OSBPL10: variants seen among roughly 807,000 people sequenced by gnomAD.
OSBPL10 encodes oxysterol binding protein like 10.
In OSBPL10, 49 loss-of-function variants were observed where a neutral mutation model predicts 81.7. That is an observed-to-expected ratio of 0.60 (90% confidence interval 0.48 to 0.76). The LOEUF is 0.76. Ranked by LOEUF, OSBPL10 falls within the 30% of genes least tolerant of loss-of-function variation. OSBPL10 has a pLI of 0.00. For synonymous variants in OSBPL10, 419 were observed against 383.6 expected, an observed-to-expected ratio of 1.09 and a Z score of -1.08; for missense variants, 923 against 987.8, an observed-to-expected ratio of 0.93 and a Z score of 0.88.
chr3:31,703,959 G>A (rs1295923258), intron 6 of OSBPL10: 3 of 152,186 alleles, frequency 2.0e-5, no homozygotes, highest in Non-Finnish European at 4.4e-5. Context: ...CTAACCCTGA[G>A]AGGAAGAGCC....
At chr3:32,025,100 T>A (rs1341912658) in intron 2 of OSBPL10, among the ~76,000 whole-genome samples, 1 of 152,200 alleles carries the variant, frequency 6.6e-6, no homozygotes, top group Non-Finnish European at 1.5e-5. Context: ...CATTCAGTCC[T>A]ACACCATTAA....
chr3:31,795,110 ACAGCTGCGAAGAATT>A (rs1438224649), intron 4 of OSBPL10: 1 of 155,636 alleles, frequency 6.4e-6, no homozygotes, highest in East Asian at 2.0e-4. Context: ...AAGACTCATT[ACAGCTGCGAAGAATT>A]CATAAAACCT....
At chr3:31,906,272 CA>C (rs991110627) in intron 1 of OSBPL10, among the ~76,000 whole-genome samples, 1 of 151,478 alleles carries the variant, frequency 6.6e-6, no homozygotes, top group African/African-American at 2.4e-5. Context: ...AGACTAGAGC[CA>C]AAAAAAACTG....
chr3:31,848,006 C>T (rs1002732364), intron 3 of OSBPL10, among the ~76,000 whole-genome samples: 1 of 152,116 alleles, frequency 6.6e-6, no homozygotes, highest in Admixed American at 6.5e-5. Context: ...GCCTCCGAGG[C>T]TCCTGCCAGC....
At chr3:31,734,130 C>T (rs1697074721) in intron 5 of OSBPL10, among the ~76,000 whole-genome samples, 1 of 152,146 alleles carries the variant, frequency 6.6e-6, no homozygotes, top group African/African-American at 2.4e-5. Context: ...GAAAAGATGC[C>T]TGCAAAGTGA....
At chr3:31,767,297 G>GA (rs902752177) in intron 4 of OSBPL10, among the ~76,000 whole-genome samples, 82 of 152,222 alleles carry the variant, frequency 5.4e-4, no homozygotes, top group Non-Finnish European at 9.0e-4. Context: ...AAGCCAGTGA[G>GA]AAAAAAACTC....
At chr3:31,808,357 C>T (rs191576629) in intron 4 of OSBPL10, among the ~76,000 whole-genome samples, 283 of 152,314 alleles carry the variant, frequency 1.9e-3, no homozygotes, top group Non-Finnish European at 2.1e-3. Context: ...TGTCAGGTGT[C>T]ATGTTGGGAG....
intron 1 of OSBPL10, among the ~76,000 whole-genome samples, chr3:31,908,274 G>C (rs1027048463): frequency 6.6e-6 from 1 of 152,138 alleles, no homozygotes; most frequent in Admixed American, 6.6e-5. Flanking sequence ...GAGACCCCAG[G>C]AGGGCTCTGA....
chr3:31,669,029 A>G (rs1031265531), intron 9 of OSBPL10, among the ~76,000 whole-genome samples: 5 of 152,216 alleles, frequency 3.3e-5, no homozygotes, highest in Non-Finnish European at 7.3e-5. Context: ...AATAATAGTG[A>G]AATCTGAATA....
intron 1 of OSBPL10, among the ~76,000 whole-genome samples, chr3:31,918,550 G>C (rs1696822176): frequency 6.6e-6 from 1 of 152,162 alleles, no homozygotes; most frequent in Non-Finnish European, 1.5e-5. Context: ...TAATGAGATA[G>C]TAAGGCGGTC....
intron 4 of OSBPL10, among the ~76,000 whole-genome samples, chr3:31,759,457 A>G (rs1489049803): frequency 2.0e-5 from 3 of 152,218 alleles, no homozygotes; most frequent in Non-Finnish European, 2.9e-5. Context: ...TTTTTAATAC[A>G]AAAGAATACT....
At chr3:31,898,833 A>T (rs1174781889) in intron 1 of OSBPL10, among the ~76,000 whole-genome samples, 1 of 151,738 alleles carries the variant, frequency 6.6e-6, no homozygotes, top group East Asian at 1.9e-4. Context: ...AATAATAAAG[A>T]TGTTTAACTT....
chr3:32,008,770 A>C (rs1478358656), intron 2 of OSBPL10, among the ~76,000 whole-genome samples: 1 of 151,950 alleles, frequency 6.6e-6, no homozygotes, highest in Non-Finnish European at 1.5e-5. Context: ...GAAAAAAAAA[A>C]AAAAAAAGAA....
intron 3 of OSBPL10, among the ~76,000 whole-genome samples, chr3:31,846,583 G>A (rs1407259510): frequency 6.6e-6 from 1 of 151,978 alleles, no homozygotes; most frequent in East Asian, 1.9e-4. Flanking sequence ...AGTGAGCCAA[G>A]ATCACGCCAT....
At chr3:31,939,143 CCTTT>C (rs1697465916) in intron 1 of OSBPL10, among the ~76,000 whole-genome samples, 2 of 49,696 alleles carry the variant, frequency 4.0e-5, no homozygotes, top group Non-Finnish European at 4.6e-5. Context: ...ACTCTCTCAT[CCTTT>C]TTTTTTTTTT....
intron 11 of OSBPL10, chr3:31,663,462 A>T: frequency 1.0e-6 from 1 of 988,768 alleles, no homozygotes. Flanking sequence ...TCCCTCCACA[A>T]CTTCAAGAGC....
chr3:31,887,241 T>C (rs866517974), intron 1 of OSBPL10, among the ~76,000 whole-genome samples: 8 of 152,170 alleles, frequency 5.3e-5, no homozygotes, highest in Non-Finnish European at 8.8e-5. Context: ...ACAAGTACCT[T>C]GTTTATAAAA....
intron 6 of OSBPL10, among the ~76,000 whole-genome samples, chr3:31,716,725 G>C (rs1696451976): frequency 6.6e-6 from 1 of 152,144 alleles, no homozygotes; most frequent in Non-Finnish European, 1.5e-5. Flanking sequence ...AACTTGTGTA[G>C]GCACAAGTTG....
At chr3:31,723,882 T>G (rs966315390) in intron 6 of OSBPL10, among the ~76,000 whole-genome samples, 1 of 152,194 alleles carries the variant, frequency 6.6e-6, no homozygotes, top group African/African-American at 2.4e-5. Context: ...TTTAGAATAG[T>G]CATTCATCGT....
Sources: gnomAD v4.1 joint callset for allele counts (sites outside exome capture counted in the v4.1 genomes callset) on GRCh38, gnomAD v4.1.1 for gene constraint, MANE v1.5 for transcripts, NCBI Gene and HGNC (gene_info 2026-07-23, HGNC 2026-07-21) for gene names.